The following ROBO1 variants were observed in gnomAD, a reference collection of about 807,000 sequenced individuals.
ROBO1 encodes roundabout homolog 1.
Under a neutral mutation model 195.9 loss-of-function variants are expected in ROBO1, and 149 were observed. The observed-to-expected ratio is 0.76, with a 90% confidence interval of 0.67 to 0.87. ROBO1 has a LOEUF of 0.87. Among genes scored for constraint, ROBO1 ranks in the 40% least tolerant of loss-of-function variants. The pLI, the probability that ROBO1 is intolerant of heterozygous loss-of-function variation, is 0.00. For missense variants in ROBO1, 1,933 were observed against 2,068.3 expected (o/e 0.93, Z 1.27); for synonymous variants, 816 against 733.2 (o/e 1.11, Z -1.82).
intron 2 of ROBO1, among the ~76,000 whole-genome samples, chr3:79,309,022 A>C (rs2033356101): frequency 1.3e-5 from 2 of 151,282 alleles, no homozygotes; most frequent in Admixed American, 6.6e-5. Context: ...TCATAGGGAC[A>C]TTGTCTCAAC....
intron 4 of ROBO1, among the ~76,000 whole-genome samples, chr3:78,807,416 T>C (rs1486588030): frequency 6.6e-6 from 1 of 152,158 alleles, no homozygotes; most frequent in Non-Finnish European, 1.5e-5. Flanking sequence ...CATAGGAAAC[T>C]GGATTTCAGA....
chr3:78,961,655 C>T (rs943077529), intron 3 of ROBO1, among the ~76,000 whole-genome samples: 3 of 152,130 alleles, frequency 2.0e-5, no homozygotes, highest in African/African-American at 7.2e-5. Context: ...ATTTCACAGA[C>T]ACTAACAAGT....
chr3:79,097,027 T>G (rs1181608713), intron 3 of ROBO1, among the ~76,000 whole-genome samples: 5 of 151,674 alleles, frequency 3.3e-5, no homozygotes, highest in African/African-American at 1.2e-4. Flanking sequence ...AAAATGAAGG[T>G]CAATTTCTCA....
chr3:79,151,117 C>T (rs1392845854), intron 2 of ROBO1, among the ~76,000 whole-genome samples: 1 of 151,814 alleles, frequency 6.6e-6, no homozygotes, highest in East Asian at 1.9e-4. Flanking sequence ...TGACTGCCGC[C>T]ATGTAAGACA....
chr3:79,536,602 T>G (rs1941874393), intron 2 of ROBO1, among the ~76,000 whole-genome samples: 1 of 152,122 alleles, frequency 6.6e-6, no homozygotes, highest in Non-Finnish European at 1.5e-5. Flanking sequence ...AAAATAATAA[T>G]AGCCTGCTAA....
intron 2 of ROBO1, among the ~76,000 whole-genome samples, chr3:79,188,610 T>C (rs896359786): frequency 2.0e-5 from 3 of 151,664 alleles, no homozygotes; most frequent in Non-Finnish European, 3.0e-5. Flanking sequence ...TTTCTTTCAC[T>C]CATTCTTTTA....
chr3:79,413,806 G>T (rs1006904695), intron 2 of ROBO1, among the ~76,000 whole-genome samples: 1 of 152,002 alleles, frequency 6.6e-6, no homozygotes, highest in Non-Finnish European at 1.5e-5. Context: ...CATGTATAAA[G>T]AATTTTTTAT....
At chr3:78,955,159 G>A (rs944535539) in intron 3 of ROBO1, among the ~76,000 whole-genome samples, 1 of 118,220 alleles carries the variant, frequency 8.5e-6, no homozygotes, top group Non-Finnish European at 1.7e-5. Flanking sequence ...TAAATTGTGT[G>A]TCATGGGGTT....
At chr3:79,174,746 C>T (rs1477364316) in intron 2 of ROBO1, among the ~76,000 whole-genome samples, 2 of 151,128 alleles carry the variant, frequency 1.3e-5, no homozygotes, top group Non-Finnish European at 2.9e-5. Context: ...GTCGCAGCTA[C>T]TCAAGAGGCT....
chr3:79,563,511 T>A (rs1942992085), intron 2 of ROBO1, among the ~76,000 whole-genome samples: 2 of 152,116 alleles, frequency 1.3e-5, no homozygotes, highest in South Asian at 4.1e-4. Flanking sequence ...ATGTTTGGCA[T>A]ATATACTCTG....
At chr3:78,821,915 A>G (rs2031016863) in intron 4 of ROBO1, among the ~76,000 whole-genome samples, 1 of 152,082 alleles carries the variant, frequency 6.6e-6, no homozygotes. Flanking sequence ...TCAGACAGAG[A>G]AGAAGAAGCA....
intron 2 of ROBO1, among the ~76,000 whole-genome samples, chr3:79,288,867 T>C (rs2032060205): frequency 6.6e-6 from 1 of 152,126 alleles, no homozygotes; most frequent in African/African-American, 2.4e-5. Flanking sequence ...ATGTGTGTTA[T>C]TTTTCTCATT....
In ROBO1 at chr3:78,933,417, T is replaced by C. The variant is rs149837825; in HGVS notation, c.499+5184A>G. 4.8e-3 allele frequency among the ~76,000 whole-genome samples: 724 copies of C among 152,244 alleles called. 5 individuals carry two copies. The highest frequency in any genetic ancestry group is 6.2e-3 in the Non-Finnish European group (422 of 67,962). On this transcript the variant is annotated intron_variant, in intron 4 of 30. Transcript: ENST00000464233. Reference sequence around the variant, plus strand: ...TCTTTTCTCTTAATGTATATCCAAATACTTCTGCTTTTTTCCCATCAAATA... The same window carrying C: ...TCTTTTCTCTTAATGTATATCCAAACACTTCTGCTTTTTTCCCATCAAATA...
chr3:79,012,734 G>A (rs1450677576), intron 3 of ROBO1, among the ~76,000 whole-genome samples: 3 of 152,202 alleles, frequency 2.0e-5, no homozygotes, highest in Non-Finnish European at 4.4e-5. Flanking sequence ...GCTCTCCCAT[G>A]AAGCAAGCAA....
chr3:78,711,427 CTTTCTTTCT>C (rs2081733307), intron 8 of ROBO1, among the ~76,000 whole-genome samples: 9 of 110,858 alleles, frequency 8.1e-5, no homozygotes, highest in African/African-American at 2.8e-4. Context: ...TTCTTTCTTT[CTTTCTTTCT>C]TTCTTTCCTT....
At chr3:79,512,269 A>G (rs1940746676) in intron 2 of ROBO1, among the ~76,000 whole-genome samples, 1 of 151,778 alleles carries the variant, frequency 6.6e-6, no homozygotes. Flanking sequence ...ATTCCCACCA[A>G]GATTTTATTA....
chr3:78,877,076 G>T (rs1045733024), intron 4 of ROBO1, among the ~76,000 whole-genome samples: 1 of 152,066 alleles, frequency 6.6e-6, no homozygotes. Context: ...AACAGGGCCT[G>T]ACATGTAGTA....
chr3:79,081,630 G>T (rs1010266725), intron 3 of ROBO1, among the ~76,000 whole-genome samples: 3 of 152,122 alleles, frequency 2.0e-5, no homozygotes, highest in African/African-American at 7.2e-5. Context: ...CCTCGGAAAA[G>T]CCCAAAGCTG....
rs1348341119 is a variant in ROBO1 at position 79,352,689 on chromosome 3, A to G, written c.89-227150T>C. Among the ~76,000 whole-genome samples, 4 of 152,180 alleles carry G rather than the reference A, an allele frequency of 2.6e-5. No individual in the cohort carries two copies. In the East Asian group the frequency reaches 7.7e-4, roughly 29 times the overall value. The stretch of plus-strand genomic sequence containing the variant: ...CCACCCAGCCGCCTTCTTTAACCTC[A>G]GAAAGCCAGTGATCTGTTTTTCTAC... On this transcript the variant is annotated intron_variant, in intron 2 of 30. Coordinates refer to ENST00000464233, the MANE Select transcript of ROBO1 (RefSeq NM_002941.4).
Sources: allele counts gnomAD v4.1 joint callset (sites outside exome capture counted in the v4.1 genomes callset), GRCh38; gene constraint gnomAD v4.1.1; transcripts MANE v1.5; gene names NCBI Gene and HGNC (gene_info 2026-07-23, HGNC 2026-07-21).